ASF1B: variants seen among roughly 807,000 people sequenced by gnomAD.
ASF1B encodes anti-silencing function 1B histone chaperone.
Under a neutral mutation model 16.6 loss-of-function variants are expected in ASF1B, and 10 were observed. The ratio of observed to expected loss-of-function variants is 0.60; its 90% CI spans 0.37 to 1.02. ASF1B has a LOEUF of 1.02. Among genes scored for constraint, ASF1B ranks in the 50% least tolerant of loss-of-function variants. The pLI is 0.01. For missense variants in ASF1B, 240 were observed against 266.0 expected (o/e 0.90, Z 0.68); for synonymous variants, 101 against 106.2 (o/e 0.95, Z 0.30).
chr19:14,134,412 A>G (rs886676477), intron 1 of ASF1B, among the ~76,000 whole-genome samples: 1 of 152,008 alleles, frequency 6.6e-6, no homozygotes, highest in African/African-American at 2.4e-5. Flanking sequence ...ATCTCACTCT[A>G]TCAGCTCCAA....
Position 14,120,538 on chromosome 19 carries a change from T to G in ASF1B, c.530A>C (p.Asn177Thr). 6.2e-7 allele frequency: 1 copy of G among 1,613,452 alleles called. No homozygotes were observed. The highest frequency in any genetic ancestry group is 8.5e-7 in the Non-Finnish European group (1 of 1,179,662). The change falls in exon 4 of 4, where the codon AAC becomes ACC. Residue 177 changes from asparagine (N) to threonine (T), a missense_variant. Asn to Thr is a moderately conservative substitution (Grantham distance 65). Transcript: ENST00000263382. ...DPSLGCGLPLNCTPIKGLGLP... is the reference protein window; with the variant it reads ...DPSLGCGLPLTCTPIKGLGLP... ...CCCCAAGCCCTTGATAGGAGTGCAGTTGAGTGGGAGGCCGCAGCCCAGGGA... is the reference window on the plus strand; with the variant it reads ...CCCCAAGCCCTTGATAGGAGTGCAGGTGAGTGGGAGGCCGCAGCCCAGGGA...
rs745880599 is a variant in ASF1B, at chr19:14,121,666, C to T, written c.268G>A (p.Val90Met). ...NPSLIPETDA[V>M]GVTVVLITCT... ...GTGATGAGGACCACAGTCACACCCA[C>T]GGCATCAGTCTCTGGGATGAGGGAT... Residue 90 changes from valine (V) to methionine (M), a missense_variant, in exon 3 of 4, where the codon GTG becomes ATG. Val to Met is a conservative substitution (Grantham distance 21). Transcript: ENST00000263382. The T allele has an allele frequency of 4.8e-5, 78 of 1,613,870 alleles. No individual in the cohort carries two copies. The highest frequency in any genetic ancestry group is 1.1e-4 in the East Asian group (5 of 44,884).
intron 1 of ASF1B, among the ~76,000 whole-genome samples, chr19:14,132,386 C>G (rs1443365359): frequency 6.6e-6 from 1 of 152,072 alleles, no homozygotes. Flanking sequence ...CAGATTCTCC[C>G]TTTTTCATGG....
intron 2 of ASF1B, among the ~76,000 whole-genome samples, chr19:14,122,034 G>A (rs1262789938): frequency 1.3e-5 from 2 of 151,246 alleles, no homozygotes; most frequent in Admixed American, 6.6e-5. Context: ...GGGTTCAAGC[G>A]ATTCTCCTGC....
intron 1 of ASF1B, among the ~76,000 whole-genome samples, chr19:14,131,715 C>T (rs1049584764): frequency 6.6e-6 from 1 of 151,162 alleles, no homozygotes; most frequent in Non-Finnish European, 1.5e-5. Flanking sequence ...AACTTCTGAC[C>T]TCAGGTAATC....
intron 1 of ASF1B, among the ~76,000 whole-genome samples, chr19:14,127,595 T>C (rs530294337): frequency 1.3e-5 from 2 of 151,980 alleles, no homozygotes; most frequent in African/African-American, 4.8e-5. Flanking sequence ...CTTAGAGACA[T>C]TTGGGCAACT....
Position 14,126,127 on chromosome 19 carries a change from A to T in ASF1B, c.220T>A (p.Phe74Ile), listed in dbSNP as rs1481333784. 6.3e-7 allele frequency: 1 copy of T among 1,596,434 alleles called. No homozygotes were observed. The highest frequency in any genetic ancestry group is 2.2e-5 in the East Asian group (1 of 44,726). ...PVPAGRHMFV[F>I]QADAPNPSLI... ...TAAGGCCTCATCTTTCTTACCTGAA[A>T]GACAAACATGTGTCTCCCTGCTGGC... Residue 74 changes from phenylalanine (F) to isoleucine (I), a missense_variant, in exon 2 of 4, where the codon TTT (phenylalanine) becomes ATT (isoleucine). Coordinates refer to ENST00000263382, the MANE Select transcript of ASF1B (RefSeq NM_018154.3).
chr19:14,132,795 G>A (rs1239730877), intron 1 of ASF1B, among the ~76,000 whole-genome samples: 1 of 152,108 alleles, frequency 6.6e-6, no homozygotes, highest in Admixed American at 6.6e-5. Context: ...TGTAGCCTGG[G>A]TGACATAGTG....
At chr19:14,126,898 C>T (rs1024173081) in intron 1 of ASF1B, among the ~76,000 whole-genome samples, 10 of 152,156 alleles carry the variant, frequency 6.6e-5, no homozygotes, top group Non-Finnish European at 1.5e-4. Context: ...TGAGCCACTG[C>T]GCCCGGCCAC....
intron 2 of ASF1B, among the ~76,000 whole-genome samples, chr19:14,122,176 C>T (rs1967249439): frequency 1.3e-5 from 2 of 151,966 alleles, no homozygotes; most frequent in South Asian, 4.2e-4. Context: ...GGTGATCCAC[C>T]CGTCTTGGAC....
In ASF1B at chr19:14,120,672, C is replaced by T. The variant is rs748947729; in HGVS notation, c.403-7G>A. On this transcript the variant is annotated splice_polypyrimidine_tract_variant and splice_region_variant and intron_variant, in intron 3 of 3. Coordinates refer to ENST00000263382, the MANE Select transcript of ASF1B (RefSeq NM_018154.3). ...CCAAGATGTTCCGCTGGAGCTGGGG[C>T]AGGAAGAGGAACGTCAACCCTTGTA... 6.2e-7 allele frequency: 1 copy of T among 1,613,964 alleles called. No individual in the cohort carries two copies. The highest frequency in any genetic ancestry group is 1.7e-5 in the Admixed American group (1 of 59,998).
chr19:14,135,570 T>C (rs1967478294), intron 1 of ASF1B, among the ~76,000 whole-genome samples: 1 of 151,852 alleles, frequency 6.6e-6, no homozygotes, highest in Admixed American at 6.6e-5. Context: ...ATTGAAATAT[T>C]GGCAGGTTGG....
intron 2 of ASF1B, among the ~76,000 whole-genome samples, chr19:14,125,373 A>G (rs1293004261): frequency 6.6e-6 from 1 of 152,084 alleles, no homozygotes. Flanking sequence ...GCAATGGTTC[A>G]GTATTCACTA....
At chr19:14,125,462 A>T (rs778591758) in intron 2 of ASF1B, among the ~76,000 whole-genome samples, 9 of 150,674 alleles carry the variant, frequency 6.0e-5, no homozygotes, top group Non-Finnish European at 1.0e-4. Flanking sequence ...GGCAGCTTTG[A>T]CACAGAGGTG....
chr19:14,131,875 G>T (rs1967410664), intron 1 of ASF1B, among the ~76,000 whole-genome samples: 1 of 152,142 alleles, frequency 6.6e-6, no homozygotes, highest in African/African-American at 2.4e-5. Context: ...AGAACATCTG[G>T]CTTCTATGAC....
At position 14,120,404 on chromosome 19, in the gene ASF1B, G is replaced by A. The variant is rs1415012455; in HGVS notation, c.*55C>T. ...CCTCTAGATGGGCCCTGCAGGACTCGCTGGGAGGCCTGGTTGCCCCTCCCG... is the reference window on the plus strand; with the variant it reads ...CCTCTAGATGGGCCCTGCAGGACTCACTGGGAGGCCTGGTTGCCCCTCCCG... On this transcript the variant is annotated 3_prime_UTR_variant, in exon 4 of 4. Transcript: ENST00000263382. The A allele has an allele frequency of 8.3e-6, 13 of 1,571,178 alleles. No individual in the cohort carries two copies. Among genetic ancestry groups the A allele is most frequent in the Middle Eastern group, 2.0e-4 (1 of 4,952 alleles).
intron 2 of ASF1B, among the ~76,000 whole-genome samples, chr19:14,125,874 T>G (rs931151232): frequency 6.6e-6 from 1 of 152,042 alleles, no homozygotes; most frequent in Non-Finnish European, 1.5e-5. Flanking sequence ...AATACTTGTT[T>G]TTTTCTTTTT....
At chr19:14,124,937 TAAATG>T (rs1176180529) in intron 2 of ASF1B, among the ~76,000 whole-genome samples, 1 of 152,214 alleles carries the variant, frequency 6.6e-6, no homozygotes, top group Non-Finnish European at 1.5e-5. Flanking sequence ...GAATTCAACA[TAAATG>T]AACCACTGTA....
intron 2 of ASF1B, among the ~76,000 whole-genome samples, chr19:14,122,421 AATGGCGCCATC>A (rs1967254145): frequency 6.6e-6 from 1 of 151,466 alleles, no homozygotes; most frequent in Non-Finnish European, 1.5e-5. Context: ...GCTGGAGTGC[AATGGCGCCATC>A]ATGGCTCACT....
Sources: gnomAD v4.1 joint callset for allele counts (sites outside exome capture counted in the v4.1 genomes callset) on GRCh38, gnomAD v4.1.1 for gene constraint, MANE v1.5 for transcripts, NCBI Gene and HGNC (gene_info 2026-07-23, HGNC 2026-07-21) for gene names.